CBFA2T2: variants seen among roughly 807,000 people sequenced by gnomAD.
CBFA2T2 encodes the protein CBFA2/RUNX1 partner transcriptional co-repressor 2.
In CBFA2T2, 11 loss-of-function variants were observed where a neutral mutation model predicts 62.2. That is an observed-to-expected ratio of 0.18 (90% CI 0.11 to 0.29). The LOEUF is 0.29. CBFA2T2 is among the 10% of genes least tolerant of loss of function. The probability of loss-of-function intolerance (pLI) is 1.00; values close to 1 mark genes in which losing one functional copy is unlikely to be tolerated. For synonymous variants in CBFA2T2, 295 were observed against 287.5 expected (o/e 1.03, Z -0.27); for missense variants, 592 against 774.1 (o/e 0.76, Z 2.79).
chr20:33,539,197 G>A (rs146794007), intron 1 of CBFA2T2, among the ~76,000 whole-genome samples: 1 of 152,156 alleles, frequency 6.6e-6, no homozygotes, highest in African/African-American at 2.4e-5. Context: ...AGGCCTGTTT[G>A]CTTATCTGTA....
chr20:33,545,195 A>G (rs140822284), intron 1 of CBFA2T2, among the ~76,000 whole-genome samples: 57 of 152,298 alleles, frequency 3.7e-4, no homozygotes, highest in African/African-American at 1.3e-3. Context: ...AAAGAATGTG[A>G]TCTTGGGGTA....
intron 1 of CBFA2T2, among the ~76,000 whole-genome samples, chr20:33,587,356 T>C (rs2146921194): frequency 6.6e-6 from 1 of 152,130 alleles, no homozygotes; most frequent in Admixed American, 6.5e-5. Flanking sequence ...AACCTGTGCC[T>C]CCTGGGTTCA....
chr20:33,614,532 A>G (rs185554413), intron 3 of CBFA2T2, among the ~76,000 whole-genome samples: 55 of 152,268 alleles, frequency 3.6e-4, no homozygotes, highest in African/African-American at 1.3e-3. Flanking sequence ...TCATCTTGCA[A>G]AACTGCACCA....
intron 1 of CBFA2T2, among the ~76,000 whole-genome samples, chr20:33,501,147 A>G (rs780821854): frequency 6.6e-6 from 1 of 152,222 alleles, no homozygotes; most frequent in Non-Finnish European, 1.5e-5. Flanking sequence ...GTCTGAATTT[A>G]TAGCTTTGGA....
At chr20:33,615,709 T>C (rs933609856) in intron 3 of CBFA2T2, among the ~76,000 whole-genome samples, 20 of 151,810 alleles carry the variant, frequency 1.3e-4, no homozygotes, top group African/African-American at 4.8e-4. Flanking sequence ...AGGTGGATTG[T>C]GAGCCTGGGG....
intron 9 of CBFA2T2, among the ~76,000 whole-genome samples, chr20:33,639,939 T>C (rs1354666969): frequency 6.6e-6 from 1 of 152,116 alleles, no homozygotes; most frequent in African/African-American, 2.4e-5. Context: ...TGCAAGACTT[T>C]TTGCAAAATC....
At chr20:33,587,793 T>G (rs993389325) in intron 1 of CBFA2T2, among the ~76,000 whole-genome samples, 1 of 152,230 alleles carries the variant, frequency 6.6e-6, no homozygotes, top group Non-Finnish European at 1.5e-5. Flanking sequence ...TCACATGTAT[T>G]TCCTTTTAAC....
At chr20:33,579,105 G>T (rs867505335) in intron 1 of CBFA2T2, among the ~76,000 whole-genome samples, 3,040 of 139,992 alleles carry the variant, frequency 0.022, 175 homozygotes, top group Admixed American at 0.13. Context: ...TTTTTTGGGG[G>T]TTTTTTTTTG....
chr20:33,549,347 T>C (rs1248008474), intron 1 of CBFA2T2, among the ~76,000 whole-genome samples: 2 of 152,030 alleles, frequency 1.3e-5, no homozygotes, highest in Non-Finnish European at 2.9e-5. Flanking sequence ...TAGCCAAAAA[T>C]TGGAAACAAT....
chr20:33,538,555 G>A (rs146234443), intron 1 of CBFA2T2, among the ~76,000 whole-genome samples: 18 of 152,076 alleles, frequency 1.2e-4, no homozygotes, highest in Non-Finnish European at 2.4e-4. Context: ...TTTTAGTAGA[G>A]ACAAGGTTTT....
intron 2 of CBFA2T2, among the ~76,000 whole-genome samples, chr20:33,609,868 G>T (rs2015462505): frequency 6.6e-6 from 1 of 152,138 alleles, no homozygotes; most frequent in Non-Finnish European, 1.5e-5. Context: ...GTCTTAAATT[G>T]TTTCTTATGT....
intron 10 of CBFA2T2, 140 bp downstream of exon 10, chr20:33,640,671 G>C (rs150069573): frequency 1.4e-6 from 1 of 710,350 alleles, no homozygotes; most frequent in African/African-American, 1.8e-5. Context: ...AGTGCCAGGA[G>C]AGTTTTGGTT....
chr20:33,610,137 G>A (rs2015471222), intron 2 of CBFA2T2, among the ~76,000 whole-genome samples: 1 of 152,024 alleles, frequency 6.6e-6, no homozygotes, highest in East Asian at 1.9e-4. Flanking sequence ...TTTAAAAAAA[G>A]AAATTAGCTG....
intron 1 of CBFA2T2, among the ~76,000 whole-genome samples, chr20:33,556,935 T>C (rs1262486583): frequency 6.6e-6 from 1 of 151,974 alleles, no homozygotes; most frequent in Non-Finnish European, 1.5e-5. Flanking sequence ...GGCTTTAGTG[T>C]TCTTTTGACA....
chr20:33,623,215 A>G lies in CBFA2T2; in HGVS notation c.611A>G (p.Asn204Ser), dbSNP rs1443527693. Residue 204 changes from asparagine (N) to serine (S), a missense_variant, in exon 5 of 11, where the codon AAC (asparagine) becomes AGC (serine). Physicochemically the swap from Asn to Ser is conservative, Grantham distance 46. Around this residue, in one of 3 missense-constraint regions of CBFA2T2, gnomAD observed 449 missense variants for 551.2 expected, o/e 0.81. Coordinates refer to ENST00000342704, the MANE Select transcript of CBFA2T2 (RefSeq NM_001032999.3). The stretch of plus-strand genomic sequence containing the variant: ...GCTCAGCACGAACACCTTCTGCTCA[A>G]CACAAGCATTGCATCGCCTGCTGAC... ...YLAQHEHLLL[N>S]TSIASPADSS... 1 of 1,614,256 alleles carries G rather than the reference A, an allele frequency of 6.2e-7. No individual in the cohort carries two copies. Among genetic ancestry groups the G allele is most frequent in the South Asian group, 1.1e-5 (1 of 91,088 alleles).
At chr20:33,577,023 TGA>T (rs1346690006) in intron 1 of CBFA2T2, among the ~76,000 whole-genome samples, 18 of 152,232 alleles carry the variant, frequency 1.2e-4, no homozygotes, top group African/African-American at 4.3e-4. Flanking sequence ...ATAGATGAAT[TGA>T]GAGGGTGCTG....
At chr20:33,620,125 T>G (rs2015887264) in intron 4 of CBFA2T2, among the ~76,000 whole-genome samples, 1 of 152,206 alleles carries the variant, frequency 6.6e-6, no homozygotes, top group Non-Finnish European at 1.5e-5. Context: ...GCATAACTTT[T>G]GGAGAGATTG....
At chr20:33,532,161 CTT>C (rs2012080058) in intron 1 of CBFA2T2, among the ~76,000 whole-genome samples, 1 of 151,984 alleles carries the variant, frequency 6.6e-6, no homozygotes, top group African/African-American at 2.4e-5. Flanking sequence ...TCAAACACCT[CTT>C]TTCCCCATTT....
At chr20:33,585,075 C>T (rs962603733) in intron 1 of CBFA2T2, among the ~76,000 whole-genome samples, 5 of 152,028 alleles carry the variant, frequency 3.3e-5, no homozygotes, top group African/African-American at 1.2e-4. Flanking sequence ...TTTAAATACC[C>T]TGTCCTGTTG....
Sources: gnomAD v4.1 joint callset for allele counts (sites outside exome capture counted in the v4.1 genomes callset) on GRCh38, gnomAD v4.1.1 for gene constraint, gnomAD v4.1.1 regional missense constraint, MANE v1.5 for transcripts, NCBI Gene and HGNC (gene_info 2026-07-23, HGNC 2026-07-21) for gene names.